Variants in LARGE1 observed in about 807,000 individuals in gnomAD.
LARGE1 encodes the protein LARGE xylosyl- and glucuronyltransferase 1.
Under a neutral mutation model 87.6 loss-of-function variants are expected in LARGE1, and 43 were observed. The ratio of observed to expected loss-of-function variants is 0.49; its 90% confidence interval spans 0.38 to 0.63. The LOEUF is 0.63. Among genes scored for constraint, LARGE1 ranks in the 30% least tolerant of loss-of-function variants. The pLI, the probability that LARGE1 is intolerant of heterozygous loss-of-function variation, is 0.00. For missense variants in LARGE1, 802 were observed against 1,000.2 expected, an observed-to-expected ratio of 0.80 and a Z score of 2.67; for synonymous variants, 434 against 394.6, an observed-to-expected ratio of 1.10 and a Z score of -1.18.
At chr22:33,915,564 T>C (rs370976775) in intron 1 of LARGE1, among the ~76,000 whole-genome samples, 1 of 152,346 alleles carries the variant, frequency 6.6e-6, no homozygotes, top group East Asian at 1.9e-4. Flanking sequence ...AGGGACCCTT[T>C]CTTTATTTGC....
intron 2 of LARGE1, among the ~76,000 whole-genome samples, chr22:33,665,889 C>T (rs1054071801): frequency 1.0e-4 from 5 of 48,906 alleles, no homozygotes; most frequent in Non-Finnish European, 1.9e-4. Flanking sequence ...AAGACCCCGT[C>T]TCAAGAAAAA....
intron 11 of LARGE1, among the ~76,000 whole-genome samples, chr22:33,169,292 C>T (rs1465360626): frequency 6.6e-6 from 1 of 152,002 alleles, no homozygotes; most frequent in African/African-American, 2.4e-5. Flanking sequence ...ATCATCTTCC[C>T]ATGTGGGCCC....
intron 12 of LARGE1, among the ~76,000 whole-genome samples, chr22:33,300,971 G>A (rs60791078): frequency 0.068 from 10,346 of 152,114 alleles, 512 homozygotes; most frequent in African/African-American, 0.14. Flanking sequence ...CACTGCACCT[G>A]GCCAATATTA....
At chr22:33,769,351 T>C (rs2084997654) in intron 1 of LARGE1, among the ~76,000 whole-genome samples, 1 of 152,174 alleles carries the variant, frequency 6.6e-6, no homozygotes, top group Non-Finnish European at 1.5e-5. Context: ...ACGCAAATTC[T>C]CGTATTGTTT....
the LARGE1 span, among the ~76,000 whole-genome samples, chr22:33,115,803 AAG>A: frequency 7.1e-6 from 1 of 141,278 alleles, no homozygotes; most frequent in African/African-American, 2.7e-5. Context: ...GCAACAGAGC[AAG>A]ACTCTGTCTC....
At chr22:33,876,446 T>G (rs1461753315) in intron 1 of LARGE1, among the ~76,000 whole-genome samples, 2 of 152,226 alleles carry the variant, frequency 1.3e-5, no homozygotes, top group Admixed American at 6.5e-5. Flanking sequence ...ACAGATATGT[T>G]ACCTTTGTGA....
In LARGE1 at chr22:33,808,061, T is replaced by C. The variant is rs150772530; in HGVS notation, c.-82-46503A>G. ...GGTTGTATGGTAAAAGTATGTTTAG[T>C]TGCATATGAAATTGCCAAACTGTCT... On this transcript the variant is annotated intron_variant, in intron 1 of 14. Coordinates refer to ENST00000397394, the MANE Select transcript of LARGE1 (RefSeq NM_133642.5). Among the ~76,000 whole-genome samples the C allele has an allele frequency of 1.9e-3, 286 of 152,346 alleles. 1 individual carries two copies. Among genetic ancestry groups the C allele is most frequent in the African/African-American group, 6.3e-3 (263 of 41,572 alleles).
intron 1 of LARGE1, among the ~76,000 whole-genome samples, chr22:33,769,895 G>A (rs1281433380): frequency 1.3e-5 from 2 of 152,060 alleles, no homozygotes; most frequent in Non-Finnish European, 2.9e-5. Flanking sequence ...GCTCACTATC[G>A]TCCTCCCTGT....
chr22:33,781,695 A>G (rs553281858), intron 1 of LARGE1, among the ~76,000 whole-genome samples: 4 of 152,312 alleles, frequency 2.6e-5, no homozygotes, highest in African/African-American at 9.6e-5. Context: ...CTAGCAAATA[A>G]TACTTATCTA....
chr22:33,652,715 A>C (rs1337407026), intron 2 of LARGE1, among the ~76,000 whole-genome samples: 1 of 152,206 alleles, frequency 6.6e-6, no homozygotes, highest in Non-Finnish European at 1.5e-5. Flanking sequence ...CACAAACTTG[A>C]GGATCAAAGA....
At chr22:33,779,806 T>A (rs80051252) in intron 1 of LARGE1, among the ~76,000 whole-genome samples, 3 of 114,114 alleles carry the variant, frequency 2.6e-5, no homozygotes, top group East Asian at 3.3e-4. Context: ...TAAAAAAAAA[T>A]TAAAAAAAGA....
At chr22:33,688,609 C>T (rs2082009347) in intron 2 of LARGE1, among the ~76,000 whole-genome samples, 1 of 152,116 alleles carries the variant, frequency 6.6e-6, no homozygotes. Flanking sequence ...CCTTGGCCTC[C>T]CAAAGTGCTG....
upstream of LARGE1, among the ~76,000 whole-genome samples, chr22:33,922,030 C>A (rs958563665): frequency 1.3e-5 from 2 of 152,094 alleles, no homozygotes; most frequent in African/African-American, 4.8e-5. Context: ...TTCCGCAGCT[C>A]GGTCCCAGGG....
intron 13 of LARGE1, among the ~76,000 whole-genome samples, chr22:33,280,265 C>T (rs1352407678): frequency 7.5e-6 from 1 of 132,752 alleles, no homozygotes; most frequent in Non-Finnish European, 1.5e-5. Flanking sequence ...GATTATGTGA[C>T]TTAATTCACA....
At chr22:33,151,400 A>G in the LARGE1 span, among the ~76,000 whole-genome samples, 1 of 152,104 alleles carries the variant, frequency 6.6e-6, no homozygotes, top group Admixed American at 6.5e-5. Context: ...TGCAAATAGG[A>G]ACAATTTTAT....
rs2085358 is a variant in LARGE1 at position 33,726,896 on chromosome 22, C to G, written c.106+34475G>C. ...ATATCTACCTCTCTGCTCAATAAAT[C>G]CTGATGATCATCTTAATAGAAATCA... On this transcript the variant is annotated intron_variant, in intron 2 of 14. Coordinates refer to ENST00000397394, the MANE Select transcript of LARGE1 (RefSeq NM_133642.5). 5.7e-4 allele frequency among the ~76,000 whole-genome samples: 70 copies of G among 122,482 alleles called. 1 individual carries two copies. The highest frequency in any genetic ancestry group is 9.1e-4 in the Non-Finnish European group (51 of 56,078). 80.4% of individuals were successfully genotyped at this position (122,482 alleles called of 152,430 possible). A position where few individuals can be genotyped will look rare whatever the true frequency, so the allele number is the denominator to read the frequency against.
chr22:33,432,746 C>T (rs1274948629), intron 6 of LARGE1, among the ~76,000 whole-genome samples: 1 of 152,192 alleles, frequency 6.6e-6, no homozygotes, highest in Non-Finnish European at 1.5e-5. Context: ...TTTCTCACGA[C>T]AGGGAGGAGG....
chr22:33,398,341 TA>T (rs138680265), intron 7 of LARGE1, among the ~76,000 whole-genome samples: 98 of 150,902 alleles, frequency 6.5e-4, no homozygotes, highest in South Asian at 2.7e-3. Flanking sequence ...AATACGAAGT[TA>T]AAAAAAAAGG....
At chr22:33,805,132 C>G (rs2086269328) in intron 1 of LARGE1, among the ~76,000 whole-genome samples, 1 of 152,170 alleles carries the variant, frequency 6.6e-6, no homozygotes, top group Admixed American at 6.5e-5. Flanking sequence ...TAGACACACC[C>G]TTGACTCTTC....
Sources: gnomAD v4.1 joint callset for allele counts (sites outside exome capture counted in the v4.1 genomes callset) on GRCh38, gnomAD v4.1.1 for gene constraint, MANE v1.5 for transcripts, NCBI Gene and HGNC (gene_info 2026-07-23, HGNC 2026-07-21) for gene names.